Variants in LRP1B observed in about 807,000 individuals in gnomAD.
The protein encoded by LRP1B is low-density lipoprotein receptor-related protein 1B.
LRP1B carries 217 observed loss-of-function variants against 556.6 expected under a neutral mutation model. That is an observed-to-expected ratio of 0.39 (90% CI 0.35 to 0.44). The LOEUF is 0.44. LRP1B is among the 20% of genes least tolerant of loss of function. The pLI, the probability that LRP1B is intolerant of heterozygous loss-of-function variation, is 1.00. For synonymous variants in LRP1B, 2,047 were observed against 1,865.8 expected (o/e 1.10, Z -2.50); for missense variants, 5,053 against 5,620.8 (o/e 0.90, Z 3.23).
chr2:140,421,240 G>C lies in LRP1B; in HGVS notation c.10414+21264C>G, dbSNP rs537884679. Reference sequence around the variant, plus strand: ...ACTGCACCTCAGCCTGGGCAACAAAGCAAGATTCTGTCTCAAAAAAACAAA... The same window carrying C: ...ACTGCACCTCAGCCTGGGCAACAAACCAAGATTCTGTCTCAAAAAAACAAA... On this transcript the variant is annotated intron_variant, in intron 66 of 90. Transcript: ENST00000389484. Among the ~76,000 whole-genome samples, 113 of 152,110 alleles carry C rather than the reference G, an allele frequency of 7.4e-4. 3 individuals are homozygous for C. The South Asian group carries it at 0.014, about 19-fold the overall frequency.
intron 1 of LRP1B, among the ~76,000 whole-genome samples, chr2:141,842,670 A>T (rs1697514277): frequency 6.6e-6 from 1 of 152,158 alleles, no homozygotes; most frequent in Non-Finnish European, 1.5e-5. Context: ...TCACACAGCA[A>T]ATCAATAATA....
intron 2 of LRP1B, among the ~76,000 whole-genome samples, chr2:141,648,858 G>A (rs984788960): frequency 2.0e-5 from 3 of 152,176 alleles, no homozygotes; most frequent in Non-Finnish European, 4.4e-5. Flanking sequence ...ATCCATTCTG[G>A]TCATGCCTGA....
chr2:140,614,156 C>T (rs538358647), intron 41 of LRP1B, among the ~76,000 whole-genome samples: 2 of 152,168 alleles, frequency 1.3e-5, no homozygotes, highest in South Asian at 2.1e-4. Context: ...TCCTCATTCT[C>T]CTTTTAAATC....
intron 45 of LRP1B, among the ~76,000 whole-genome samples, chr2:140,539,970 G>C (rs1680072611): frequency 6.6e-6 from 1 of 152,052 alleles, no homozygotes; most frequent in Non-Finnish European, 1.5e-5. Context: ...TTCACAGTGA[G>C]AAAATATGTC....
At chr2:141,525,135 C>A (rs7607376) in intron 2 of LRP1B, among the ~76,000 whole-genome samples, 149,212 of 152,210 alleles carry the variant, frequency 0.98, 73,200 homozygotes, top group East Asian at 1. Context: ...AGTTTCATCC[C>A]GAATCAGTCA....
chr2:140,291,945 AT>A (rs1368665786), intron 84 of LRP1B, among the ~76,000 whole-genome samples: 1 of 152,100 alleles, frequency 6.6e-6, no homozygotes, highest in Non-Finnish European at 1.5e-5. Context: ...AAGTGTTCCT[AT>A]TTCTCCACAT....
chr2:141,088,402 A>G (rs1211785117), intron 7 of LRP1B, among the ~76,000 whole-genome samples: 3 of 152,202 alleles, frequency 2.0e-5, no homozygotes, highest in African/African-American at 7.2e-5. Context: ...AAGTGAAATA[A>G]AAACTTAAGG....
chr2:141,648,519 T>A (rs1461133171), intron 2 of LRP1B, among the ~76,000 whole-genome samples: 1 of 152,178 alleles, frequency 6.6e-6, no homozygotes, highest in East Asian at 1.9e-4. Flanking sequence ...CAGACATTTA[T>A]CACAGCAATA....
intron 13 of LRP1B, 126 bp downstream of exon 13, chr2:141,015,570 A>G: frequency 1.3e-6 from 1 of 747,920 alleles, no homozygotes; most frequent in Non-Finnish European, 2.2e-6. Flanking sequence ...CAGCCACCCC[A>G]TGGAGACTAT....
intron 41 of LRP1B, among the ~76,000 whole-genome samples, chr2:140,680,518 A>G (rs887465896): frequency 6.6e-6 from 1 of 152,210 alleles, no homozygotes; most frequent in Non-Finnish European, 1.5e-5. Flanking sequence ...ATAACTGCTG[A>G]CTGCCCCTTG....
chr2:140,338,071 A>T (rs1222805547), intron 77 of LRP1B, among the ~76,000 whole-genome samples: 2 of 151,050 alleles, frequency 1.3e-5, no homozygotes, highest in Non-Finnish European at 2.9e-5. Flanking sequence ...GAAAAACGAA[A>T]AAAAAAACTT....
chr2:141,612,182 A>T (rs1688131952), intron 2 of LRP1B, among the ~76,000 whole-genome samples: 1 of 152,228 alleles, frequency 6.6e-6, no homozygotes, highest in Admixed American at 6.5e-5. Flanking sequence ...GGTGTAATGG[A>T]TAAACAAGTC....
At chr2:141,185,580 A>G (rs979521578) in intron 7 of LRP1B, among the ~76,000 whole-genome samples, 1 of 151,088 alleles carries the variant, frequency 6.6e-6, no homozygotes, top group Non-Finnish European at 1.5e-5. Flanking sequence ...TGATTTAAAA[A>G]TCTCTTCTTG....
At chr2:140,548,069 C>T (rs1167751898) in intron 43 of LRP1B, among the ~76,000 whole-genome samples, 4 of 151,626 alleles carry the variant, frequency 2.6e-5, no homozygotes, top group Non-Finnish European at 5.9e-5. Context: ...ATGATTCTAG[C>T]CAATAAGAGA....
chr2:140,316,510 T>C (rs1445643894), intron 82 of LRP1B, among the ~76,000 whole-genome samples: 2 of 152,118 alleles, frequency 1.3e-5, no homozygotes, highest in South Asian at 2.1e-4. Context: ...AGGATTCAGA[T>C]TGGCATTACT....
At chr2:141,212,248 G>T (rs1308966693) in intron 6 of LRP1B, among the ~76,000 whole-genome samples, 4 of 48,640 alleles carry the variant, frequency 8.2e-5, no homozygotes, top group African/African-American at 2.3e-4. Context: ...AAAAAGTCTA[G>T]ATTTTTTTTT....
chr2:141,533,644 T>C (rs867714623), intron 2 of LRP1B, among the ~76,000 whole-genome samples: 17 of 152,192 alleles, frequency 1.1e-4, no homozygotes, highest in African/African-American at 4.1e-4. Context: ...CATTAACTTA[T>C]ACTGTCACAA....
At chr2:141,304,547 T>C (rs1686516289) in intron 3 of LRP1B, among the ~76,000 whole-genome samples, 1 of 149,368 alleles carries the variant, frequency 6.7e-6, no homozygotes, top group African/African-American at 2.5e-5. Flanking sequence ...TGGCGTGATC[T>C]TGGCTCACTG....
intron 6 of LRP1B, among the ~76,000 whole-genome samples, chr2:141,222,393 C>T (rs934885830): frequency 1.3e-5 from 2 of 151,984 alleles, no homozygotes; most frequent in Non-Finnish European, 2.9e-5. Flanking sequence ...AATAAATAGC[C>T]TACCAACCAA....
Sources: allele counts gnomAD v4.1 joint callset (sites outside exome capture counted in the v4.1 genomes callset), GRCh38; gene constraint gnomAD v4.1.1; transcripts MANE v1.5; gene names NCBI Gene and HGNC (gene_info 2026-07-23, HGNC 2026-07-21).